The following DLG2 variants were observed in gnomAD, a reference collection of about 807,000 sequenced individuals.
DLG2 encodes the protein disks large homolog 2.
In DLG2, 45 loss-of-function variants were observed where a neutral mutation model predicts 132.5. That is an observed-to-expected ratio of 0.34 (90% CI 0.27 to 0.44). DLG2 has a LOEUF of 0.44. Among genes scored for constraint, DLG2 ranks in the 20% least tolerant of loss-of-function variants. The pLI is 1.00. For synonymous variants in DLG2, 424 were observed against 419.6 expected, an observed-to-expected ratio of 1.01 and a Z score of -0.13; for missense variants, 1,045 against 1,196.9, an observed-to-expected ratio of 0.87 and a Z score of 1.87.
chr11:84,659,359 C>G (rs577064707), intron 6 of DLG2, among the ~76,000 whole-genome samples: 1 of 152,208 alleles, frequency 6.6e-6, no homozygotes. Flanking sequence ...AATGCCTTTT[C>G]AAGACTCCTT....
intron 14 of DLG2, among the ~76,000 whole-genome samples, chr11:83,932,961 C>T (rs968804760): frequency 2.6e-5 from 4 of 152,250 alleles, no homozygotes; most frequent in Admixed American, 2.0e-4. Context: ...AATGCCTGCC[C>T]ATAGTTCCTG....
chr11:83,845,461 T>C (rs2058434759), intron 16 of DLG2, among the ~76,000 whole-genome samples: 2 of 152,194 alleles, frequency 1.3e-5, no homozygotes, highest in Admixed American at 1.3e-4. Flanking sequence ...TTTGGTCAGT[T>C]AGCCAAATAA....
intron 17 of DLG2, among the ~76,000 whole-genome samples, chr11:83,825,050 G>A (rs1034817567): frequency 5.9e-5 from 8 of 135,732 alleles, no homozygotes; most frequent in Non-Finnish European, 1.3e-4. Context: ...TGTTGTTGTT[G>A]TTTTTGTTTT....
At chr11:85,511,997 G>A (rs1461096522) in intron 3 of DLG2, among the ~76,000 whole-genome samples, 1 of 152,004 alleles carries the variant, frequency 6.6e-6, no homozygotes, top group African/African-American at 2.4e-5. Flanking sequence ...ATACCAATGT[G>A]AAAAACAAAA....
chr11:83,639,942 G>A (rs2065990788), intron 18 of DLG2, among the ~76,000 whole-genome samples: 1 of 152,138 alleles, frequency 6.6e-6, no homozygotes, highest in Non-Finnish European at 1.5e-5. Context: ...GACTCAAAAT[G>A]AGATTTGACT....
At chr11:84,694,060 C>T (rs1028524887) in intron 6 of DLG2, among the ~76,000 whole-genome samples, 7 of 151,580 alleles carry the variant, frequency 4.6e-5, no homozygotes, top group African/African-American at 1.7e-4. Context: ...ATCCCTTATT[C>T]ACCTCTGCAT....
At chr11:84,635,538 AATT>A (rs1326723704) in intron 6 of DLG2, among the ~76,000 whole-genome samples, 3 of 152,130 alleles carry the variant, frequency 2.0e-5, no homozygotes, top group Non-Finnish European at 2.9e-5. Flanking sequence ...ATACAAGTAT[AATT>A]ATTATTATTT....
Position 83,902,534 on chromosome 11 carries a change from T to C in DLG2, c.1496+27794A>G, listed in dbSNP as rs1158673793. On this transcript the variant is annotated intron_variant, in intron 15 of 27. Coordinates refer to ENST00000376104, the MANE Select transcript of DLG2 (RefSeq NM_001142699.3). ...GATCAGAATGATAAGTGATTTTAAA[T>C]CATGCCAAATGAAAAGCAACAGAAG... Among the ~76,000 whole-genome samples the C allele has an allele frequency of 5.9e-5, 9 of 152,148 alleles. 1 individual carries two copies. Among genetic ancestry groups the C allele is most frequent in the Admixed American group, 2.6e-4 (4 of 15,274 alleles).
chr11:84,369,603 G>A (rs1199482394), intron 7 of DLG2, among the ~76,000 whole-genome samples: 1 of 152,018 alleles, frequency 6.6e-6, no homozygotes, highest in Non-Finnish European at 1.5e-5. Flanking sequence ...TTGAAAGTTG[G>A]CCCCTGAAGT....
At chr11:85,071,420 T>C (rs1442103127) in intron 6 of DLG2, among the ~76,000 whole-genome samples, 2 of 151,842 alleles carry the variant, frequency 1.3e-5, no homozygotes, top group African/African-American at 4.8e-5. Flanking sequence ...GCTATTATAA[T>C]GACCAAATGT....
chr11:85,008,432 A>G (rs1357306625), intron 6 of DLG2, among the ~76,000 whole-genome samples: 2 of 152,168 alleles, frequency 1.3e-5, no homozygotes, highest in Admixed American at 6.5e-5. Context: ...AAGAAATTTT[A>G]CAGGGTTCCT....
At chr11:83,790,822 C>T in intron 17 of DLG2, 2 of 754,636 alleles carry the variant, frequency 2.7e-6, no homozygotes, top group East Asian at 2.4e-5. Flanking sequence ...TGAGAAGGAA[C>T]CACAGAGACT....
intron 6 of DLG2, among the ~76,000 whole-genome samples, chr11:84,646,027 A>G (rs1213992528): frequency 6.6e-6 from 1 of 152,194 alleles, no homozygotes; most frequent in African/African-American, 2.4e-5. Flanking sequence ...GAAGGGGGCC[A>G]GCTCTGAAAT....
intron 6 of DLG2, among the ~76,000 whole-genome samples, chr11:84,796,432 C>G (rs2074620061): frequency 6.6e-6 from 1 of 152,006 alleles, no homozygotes; most frequent in Non-Finnish European, 1.5e-5. Flanking sequence ...GTTTGCATGC[C>G]ACAGTTGCAG....
chr11:84,174,732 G>T (rs971704229), intron 8 of DLG2, among the ~76,000 whole-genome samples: 7 of 152,058 alleles, frequency 4.6e-5, no homozygotes, highest in African/African-American at 1.7e-4. Context: ...AGACTGTCTT[G>T]TCCATCGAAT....
At chr11:85,183,330 C>A (rs74633528) in intron 4 of DLG2, among the ~76,000 whole-genome samples, 2,278 of 151,968 alleles carry the variant, frequency 0.015, 53 homozygotes, top group African/African-American at 0.05. Flanking sequence ...ATCAGCACAA[C>A]AATCTAGTAT....
chr11:85,272,942 T>C (rs896381892), intron 4 of DLG2, among the ~76,000 whole-genome samples: 3 of 151,916 alleles, frequency 2.0e-5, no homozygotes, highest in Non-Finnish European at 4.4e-5. Flanking sequence ...CCCTCAGAAA[T>C]AACACTACAC....
intron 4 of DLG2, among the ~76,000 whole-genome samples, chr11:85,184,839 A>G (rs980467262): frequency 1.3e-5 from 2 of 151,944 alleles, no homozygotes; most frequent in Non-Finnish European, 2.9e-5. Flanking sequence ...AATAAATTTA[A>G]CAACTATACT....
At chr11:83,849,997 C>T (rs763204282) in intron 16 of DLG2, among the ~76,000 whole-genome samples, 9 of 151,980 alleles carry the variant, frequency 5.9e-5, no homozygotes, top group Non-Finnish European at 7.4e-5. Flanking sequence ...CTGTGCTTGG[C>T]GCTGGAAATA....
Sources: allele counts gnomAD v4.1 joint callset (sites outside exome capture counted in the v4.1 genomes callset), GRCh38; gene constraint gnomAD v4.1.1; transcripts MANE v1.5; gene names NCBI Gene and HGNC (gene_info 2026-07-23, HGNC 2026-07-21).